CAPS2: variants seen among roughly 807,000 people sequenced by gnomAD.
CAPS2 encodes calcyphosin-2.
Under a neutral mutation model 86.5 loss-of-function variants are expected in CAPS2, and 98 were observed. The observed-to-expected ratio is 1.13, with a 90% CI of 0.96 to 1.34. The LOEUF (loss-of-function observed/expected upper bound fraction) is 1.34. Ranked by LOEUF, CAPS2 falls within the 40% of genes most tolerant of loss-of-function variation. The pLI, the probability that CAPS2 is intolerant of heterozygous loss-of-function variation, is 0.00. For missense variants in CAPS2, 729 were observed against 686.8 expected, an observed-to-expected ratio of 1.06 and a Z score of -0.69; for synonymous variants, 210 against 225.1, an observed-to-expected ratio of 0.93 and a Z score of 0.60.
intron 1 of CAPS2, chr12:75,347,777 G>T (rs1411176945): frequency 8.3e-7 from 1 of 1,201,242 alleles, no homozygotes; most frequent in Middle Eastern, 2.0e-4. Context: ...GATGATGGTT[G>T]CCAAATAAGA....
chr12:75,313,104 T>C (rs1365896441), intron 6 of CAPS2, among the ~76,000 whole-genome samples, 189 bp from the exon 7 acceptor site: 3 of 152,262 alleles, frequency 2.0e-5, no homozygotes, highest in Non-Finnish European at 4.4e-5. Flanking sequence ...TCATTTAATC[T>C]ACAAATATCA....
chr12:75,334,660 AAATCGGGTTGCCCCAG>A, upstream of CAPS2: 1 of 1,556,834 alleles, frequency 6.4e-7, no homozygotes, highest in Non-Finnish European at 8.7e-7. Context: ...GGGCGTGGGG[AAATCGGGTTGCCCCAG>A]CCGTTACTGG....
intron 14 of CAPS2, among the ~76,000 whole-genome samples, chr12:75,287,043 A>AT (rs2034991631): frequency 6.6e-6 from 1 of 151,080 alleles, no homozygotes; most frequent in South Asian, 2.1e-4. Context: ...CTTGTGTGTG[A>AT]TTTTATAAAC....
chr12:75,292,647 C>A (rs908037295), intron 12 of CAPS2, among the ~76,000 whole-genome samples: 1 of 144,210 alleles, frequency 6.9e-6, no homozygotes. Flanking sequence ...TAGATCTATA[C>A]ATAATAGATC....
intron 1 of CAPS2, among the ~76,000 whole-genome samples, chr12:75,366,012 A>C (rs1242782071): frequency 6.6e-6 from 1 of 152,186 alleles, no homozygotes; most frequent in Non-Finnish European, 1.5e-5. Flanking sequence ...CCACTTGATC[A>C]ATAAACAAAG....
intron 7 of CAPS2, among the ~76,000 whole-genome samples, chr12:75,311,050 G>A (rs1166157889): frequency 6.6e-6 from 1 of 152,210 alleles, no homozygotes; most frequent in Non-Finnish European, 1.5e-5. Flanking sequence ...AAGCTACTGA[G>A]TTTTGTGGTG....
At chr12:75,356,561 C>A (rs2043171247) in intron 1 of CAPS2, among the ~76,000 whole-genome samples, 1 of 151,664 alleles carries the variant, frequency 6.6e-6, no homozygotes, top group African/African-American at 2.4e-5. Context: ...CGCAAATAAG[C>A]CAACAAAGCA....
At chr12:75,348,091 T>C (rs2042572825) in intron 1 of CAPS2, among the ~76,000 whole-genome samples, 2 of 152,142 alleles carry the variant, frequency 1.3e-5, no homozygotes, top group Admixed American at 6.5e-5. Flanking sequence ...TTGAGAATGA[T>C]TGTAAAAGAA....
intron 5 of CAPS2, 125 bp from the exon 6 acceptor site, chr12:75,316,559 G>T: frequency 1.1e-6 from 1 of 902,226 alleles, no homozygotes; most frequent in Non-Finnish European, 1.5e-6. Context: ...AAAAGTACAG[G>T]CTCTGAAAAT....
At chr12:75,302,145 T>A (rs969755275) in intron 8 of CAPS2, among the ~76,000 whole-genome samples, 2 of 152,160 alleles carry the variant, frequency 1.3e-5, no homozygotes, top group African/African-American at 4.8e-5. Flanking sequence ...TCTAAATTTA[T>A]GTAGCAGAAC....
At chr12:75,298,743 T>G in exon 11 of CAPS2, 1 of 1,614,054 alleles carries the variant, frequency 6.2e-7, no homozygotes, top group Middle Eastern at 1.6e-4. Flanking sequence ...CACTGATGAC[T>G]ATAAATGCTT....
intron 14 of CAPS2, among the ~76,000 whole-genome samples, chr12:75,286,618 T>C (rs570490713): frequency 7.7e-4 from 117 of 152,042 alleles, no homozygotes; most frequent in Middle Eastern, 3.4e-3. Flanking sequence ...ATAGTAACTC[T>C]ATATAAATTA....
At chr12:75,294,608 C>T (rs540017512) in intron 11 of CAPS2, among the ~76,000 whole-genome samples, 1 of 152,060 alleles carries the variant, frequency 6.6e-6, no homozygotes, top group African/African-American at 2.4e-5. Context: ...TTGTTTTTTC[C>T]CCCTCCCCCA....
At chr12:75,335,815 G>A (rs2041694814) in intron 1 of CAPS2, among the ~76,000 whole-genome samples, 1 of 151,882 alleles carries the variant, frequency 6.6e-6, no homozygotes, top group South Asian at 2.1e-4. Context: ...ACCAGCTTGG[G>A]GTTGTCCAAG....
chr12:75,305,689 AC>A (rs1363041720), intron 7 of CAPS2: 5 of 657,962 alleles, frequency 7.6e-6, no homozygotes, highest in Non-Finnish European at 1.4e-5. Flanking sequence ...CTGGCCCGGC[AC>A]AGCTGCTGCA....
At chr12:75,298,912 T>A (rs774056165) in exon 10 of CAPS2, 1 of 1,611,672 alleles carries the variant, frequency 6.2e-7, no homozygotes, top group Non-Finnish European at 8.5e-7. Flanking sequence ...TTGTAAGGGA[T>A]TGGTCATGAG....
At chr12:75,365,871 C>G (rs376671998) in intron 1 of CAPS2, among the ~76,000 whole-genome samples, 2 of 152,190 alleles carry the variant, frequency 1.3e-5, no homozygotes, top group South Asian at 4.1e-4. Context: ...ATTAAACCAA[C>G]AATACCAAAT....
chr12:75,287,848 G>C (rs142944055), intron 14 of CAPS2, among the ~76,000 whole-genome samples: 4 of 152,260 alleles, frequency 2.6e-5, no homozygotes, highest in African/African-American at 9.6e-5. Context: ...CAAGTTCCAG[G>C]GACCCAAACT....
intron 13 of CAPS2, among the ~76,000 whole-genome samples, chr12:75,291,538 GTA>G (rs5799217): frequency 3.8e-5 from 1 of 26,140 alleles, no homozygotes; most frequent in African/African-American, 1.7e-4. Context: ...ATTTTAAAAA[GTA>G]TATATATATA....
Sources: allele counts gnomAD v4.1 joint callset (sites outside exome capture counted in the v4.1 genomes callset), GRCh38; gene constraint gnomAD v4.1.1; transcripts MANE v1.5; gene names NCBI Gene and HGNC (gene_info 2026-07-23, HGNC 2026-07-21).